Variants in SGF29 observed in about 807,000 individuals in gnomAD.
SGF29 encodes the protein SAGA complex associated factor 29, also known as SAGA-associated factor 29.
In SGF29, 15 loss-of-function variants were observed where a neutral mutation model predicts 38.1. That is an observed-to-expected ratio of 0.39 (90% CI 0.26 to 0.61). SGF29 has a LOEUF of 0.61. Ranked by LOEUF, SGF29 falls within the 20% of genes least tolerant of loss-of-function variation. The probability of loss-of-function intolerance (pLI) is 0.49; values close to 1 mark genes in which losing one functional copy is unlikely to be tolerated. For missense variants in SGF29, 184 were observed against 394.6 expected, an observed-to-expected ratio of 0.47 and a Z score of 4.52; for synonymous variants, 151 against 160.8, an observed-to-expected ratio of 0.94 and a Z score of 0.46.
chr16:28,573,759 G>A (rs982257661), intron 1 of SGF29, among the ~76,000 whole-genome samples: 3 of 152,116 alleles, frequency 2.0e-5, no homozygotes, highest in Non-Finnish European at 4.4e-5. Context: ...AAAGTCTCTG[G>A]CTTCCCTTCC....
intron 1 of SGF29, among the ~76,000 whole-genome samples, chr16:28,565,953 G>A (rs1298187111): frequency 6.6e-6 from 1 of 152,044 alleles, no homozygotes; most frequent in South Asian, 2.1e-4. Flanking sequence ...AGATTTGAAT[G>A]TGATTTGGTA....
At chr16:28,579,669 G>T (rs1298605057) in intron 1 of SGF29, among the ~76,000 whole-genome samples, 1 of 150,218 alleles carries the variant, frequency 6.7e-6, no homozygotes, top group African/African-American at 2.4e-5. Context: ...GGTGGCTCAC[G>T]CCTGTAATCC....
chr16:28,585,505 G>T (rs765655703), intron 3 of SGF29, 143 bp from the exon 4 acceptor site: 7 of 734,566 alleles, frequency 9.5e-6, no homozygotes, highest in Non-Finnish European at 1.7e-5. Context: ...ATCCGCCTCA[G>T]GAGCACTCCT....
At position 28,576,827 on chromosome 16, in the gene SGF29, A is replaced by T. The variant is rs905723467; in HGVS notation, c.-15-4228A>T. Reference sequence around the variant, plus strand: ...CATCAGTTCATGAACTGACATGTAAAATATGATATAGCAAAACAATGGAGT... The same window carrying T: ...CATCAGTTCATGAACTGACATGTAATATATGATATAGCAAAACAATGGAGT... On this transcript the variant is annotated intron_variant, in intron 1 of 9. Coordinates refer to ENST00000317058, the MANE Select transcript of SGF29 (RefSeq NM_138414.3). 3.9e-5 allele frequency among the ~76,000 whole-genome samples: 6 copies of T among 152,078 alleles called. No individual in the cohort carries two copies. In the South Asian group the frequency reaches 1.2e-3, roughly 32 times the overall value.
At chr16:28,573,598 G>T (rs2046877790) in intron 1 of SGF29, among the ~76,000 whole-genome samples, 1 of 152,176 alleles carries the variant, frequency 6.6e-6, no homozygotes, top group African/African-American at 2.4e-5. Context: ...CCTCAATCAT[G>T]CTTGTTCACT....
intron 1 of SGF29, among the ~76,000 whole-genome samples, chr16:28,561,165 G>A (rs1381195523): frequency 6.6e-6 from 1 of 152,122 alleles, no homozygotes; most frequent in African/African-American, 2.4e-5. Context: ...GCTGAGTCGG[G>A]AGGATCGCCT....
chr16:28,576,664 CA>C (rs545822774), intron 1 of SGF29, among the ~76,000 whole-genome samples: 138 of 152,050 alleles, frequency 9.1e-4, no homozygotes, highest in African/African-American at 3.3e-3. Flanking sequence ...CACACCACTG[CA>C]CTCCAAGTTG....
At position 28,581,211 on chromosome 16, in the gene SGF29, G is replaced by A. The variant is rs904537651; in HGVS notation, c.75+67G>A. 4 of 1,445,286 alleles carry A rather than the reference G, an allele frequency of 2.8e-6. No homozygotes were observed. In the African/African-American group the frequency reaches 4.2e-5, roughly 15 times the overall value. The allele number at this position is 1,445,286 out of a possible 1,614,324, so 89.5% of individuals were successfully genotyped here. ...CTTTGATGCTGAGCCGTGAAGTGGG[G>A]GTGGCATTTGTGTTCAGAGAGATTG... On this transcript the variant is annotated intron_variant, in intron 2 of 9. Transcript: ENST00000317058.
intron 1 of SGF29, among the ~76,000 whole-genome samples, chr16:28,564,748 T>TAC (rs1234219135): frequency 6.2e-4 from 44 of 70,888 alleles, no homozygotes; most frequent in African/African-American, 2.0e-3. Flanking sequence ...TATATATGTA[T>TAC]ATATATGTAT....
rs1335371811 is a variant in SGF29, at chr16:28,590,956, G to A, written c.765+21G>A. 6.3e-7 allele frequency: 1 copy of A among 1,587,828 alleles called. No homozygotes were observed. The highest frequency in any genetic ancestry group is 2.3e-5 in the East Asian group (1 of 43,994). On this transcript the variant is annotated intron_variant, in intron 9 of 9. Transcript: ENST00000317058. This position sits in a 1 kb window ranked among gnomAD's most constrained non-coding sequence, Gnocchi z 8.2. ...AGCGGGTAAAGCAGCCTCCAGGGGA[G>A]AGGCCATGGGTGATGTCAGGAACAG...
At chr16:28,577,122 C>T (rs12448429) in intron 1 of SGF29, among the ~76,000 whole-genome samples, 48,865 of 151,858 alleles carry the variant, frequency 0.32, 8,696 homozygotes, top group Non-Finnish European at 0.38. Flanking sequence ...GAGCCAACAT[C>T]GTGCCATTGC....
At chr16:28,574,279 C>T (rs1373964227) in intron 1 of SGF29, among the ~76,000 whole-genome samples, 1 of 152,164 alleles carries the variant, frequency 6.6e-6, no homozygotes, top group Non-Finnish European at 1.5e-5. Flanking sequence ...CAAGGCTGGC[C>T]CTTTTCCCAT....
intron 4 of SGF29, among the ~76,000 whole-genome samples, chr16:28,586,640 C>A (rs1376966542): frequency 6.6e-6 from 1 of 152,094 alleles, no homozygotes; most frequent in Non-Finnish European, 1.5e-5. Context: ...TCTGACTGTG[C>A]CCAGAGGCTC....
intron 1 of SGF29, among the ~76,000 whole-genome samples, chr16:28,561,937 G>T (rs2046792773): frequency 6.6e-6 from 1 of 152,184 alleles, no homozygotes; most frequent in Non-Finnish European, 1.5e-5. Flanking sequence ...CTTAGAACAT[G>T]TTTCCTGGGG....
chr16:28,584,876 G>T (rs1318535578), intron 2 of SGF29, 37 bp from the exon 3 acceptor site: 1 of 1,544,982 alleles, frequency 6.5e-7, no homozygotes, highest in South Asian at 1.1e-5. Context: ...GCAGCACAAA[G>T]GGCCACCGTC....
chr16:28,554,569 C>T (rs1333238674), intron 1 of SGF29, among the ~76,000 whole-genome samples: 3 of 152,242 alleles, frequency 2.0e-5, no homozygotes, highest in East Asian at 1.9e-4. Flanking sequence ...CTCGGCCTCC[C>T]AAAGTGTGGG....
chr16:28,583,824 T>TC (rs2046940255), intron 2 of SGF29, among the ~76,000 whole-genome samples: 1 of 152,152 alleles, frequency 6.6e-6, no homozygotes, highest in Admixed American at 6.5e-5. Flanking sequence ...GTATGAGTTC[T>TC]CCAACTTTTT....
At chr16:28,573,104 C>G (rs1158724522) in intron 1 of SGF29, among the ~76,000 whole-genome samples, 1 of 152,174 alleles carries the variant, frequency 6.6e-6, no homozygotes, top group Admixed American at 6.5e-5. Flanking sequence ...TGGGAGACCC[C>G]TCTGAGTCCT....
intron 4 of SGF29, among the ~76,000 whole-genome samples, chr16:28,586,408 G>A (rs1336013907): frequency 4.0e-5 from 6 of 151,548 alleles, no homozygotes; most frequent in South Asian, 2.1e-4. Context: ...GTGTGGTGGC[G>A]CACGCTACTT....
Sources: allele counts gnomAD v4.1 joint callset (sites outside exome capture counted in the v4.1 genomes callset), GRCh38; gene constraint gnomAD v4.1.1; non-coding constraint Gnocchi (gnomAD v3.1); transcripts MANE v1.5; gene names NCBI Gene and HGNC (gene_info 2026-07-23, HGNC 2026-07-21).